The following APTX variants were observed in gnomAD, a reference collection of about 807,000 sequenced individuals.
The protein encoded by APTX is forkhead-associated domain histidine triad-like protein.
A neutral mutation model predicts 42.3 loss-of-function variants in APTX; 33 were observed. The ratio of observed to expected loss-of-function variants is 0.78; its 90% confidence interval spans 0.59 to 1.04. APTX has a LOEUF of 1.04. APTX is among the 50% of genes least tolerant of loss of function. APTX has a pLI of 0.00. For missense variants in APTX, 421 were observed against 415.1 expected, an observed-to-expected ratio of 1.01 and a Z score of -0.12; for synonymous variants, 130 against 146.7, an observed-to-expected ratio of 0.89 and a Z score of 0.82.
chr9:32,986,059 A>AAAAAAAAAAAAAAAC, intron 4 of APTX, 29 bp from the exon 5 acceptor site: 1 of 1,240,056 alleles, frequency 8.1e-7, no homozygotes, highest in Non-Finnish European at 1.1e-6. Flanking sequence ...AAAAAACAAA[A>AAAAAAAAAAAAAAAC]AAAAAAAAAA....
In APTX at chr9:32,985,967, T is replaced by C; in HGVS notation, c.543+4A>G. ...GTACTGAAATTCCAAAATTGTATTC[T>C]GACCTGCATTTTGGGGTCCTGCATA... On this transcript the variant is annotated splice_donor_region_variant and intron_variant, in intron 5 of 7. Coordinates refer to ENST00000379817, the MANE Select transcript of APTX (RefSeq NM_001195248.2). The C allele has an allele frequency of 6.2e-7, 1 of 1,608,176 alleles. No homozygotes were observed. The highest frequency in any genetic ancestry group is 8.5e-7 in the Non-Finnish European group (1 of 1,179,278).
Position 32,973,084 on chromosome 9 carries a change from A to C in APTX, c.*414T>G. 1 of 455,850 alleles carries C rather than the reference A, an allele frequency of 2.2e-6. No homozygotes were observed. The highest frequency in any genetic ancestry group is 1.6e-5 in the South Asian group (1 of 64,492). The allele number at this position is 455,850 out of a possible 1,614,324, so 28.2% of individuals were successfully genotyped here. On this transcript the variant is annotated 3_prime_UTR_variant, in exon 8 of 8. Coordinates refer to ENST00000379817, the MANE Select transcript of APTX (RefSeq NM_001195248.2). ...ACCCATCAGTATCTTCAGGATAAACAAGAGGCCACTCTAGATGCTCTGATT... is the reference window on the plus strand; with the variant it reads ...ACCCATCAGTATCTTCAGGATAAACCAGAGGCCACTCTAGATGCTCTGATT...
intron 6 of APTX, 136 bp from the exon 7 acceptor site, chr9:32,974,697 T>C (rs1828928911): frequency 4.6e-6 from 3 of 654,256 alleles, no homozygotes; most frequent in Non-Finnish European, 8.2e-6. Context: ...GAAGTGATAG[T>C]GTGTCCATTT....
intron 6 of APTX, among the ~76,000 whole-genome samples, chr9:32,976,376 A>AT (rs1829420089): frequency 6.6e-6 from 1 of 152,190 alleles, no homozygotes; most frequent in African/African-American, 2.4e-5. Context: ...CTTGAGTATA[A>AT]TAAAAAAAAA....
chr9:32,973,713 A>C (rs780681890), intron 7 of APTX, 61 bp from the exon 8 acceptor site: 1 of 135,910 alleles, frequency 7.4e-6, no homozygotes, highest in Non-Finnish European at 1.0e-5. Context: ...TGAGATACCA[A>C]AAAAAAAAAA....
At chr9:33,008,398 TCTGA>T (rs1357957176) in intron 1 of APTX, among the ~76,000 whole-genome samples, 2 of 151,982 alleles carry the variant, frequency 1.3e-5, no homozygotes, top group African/African-American at 2.4e-5. Context: ...CTATACAATT[TCTGA>T]CTAAGATTTT....
In APTX at chr9:32,986,032, T is replaced by TAAAAAAAAACAAAAAAAA; in HGVS notation, c.484-3_484-2insTTTTTTTTGTTTTTTTTT. On this transcript the variant is annotated splice_polypyrimidine_tract_variant and splice_region_variant and intron_variant, in intron 4 of 7. Transcript: ENST00000379817. ...TTGACTCCAGTGGCCCAGGGATTCC[T>TAAAAAAAAACAAAAAAAA]AAAAAAAAAACAAAAAAAAAAACAA... 14 of 732,426 alleles carry TAAAAAAAAACAAAAAAAA rather than the reference T, an allele frequency of 1.9e-5. No homozygotes were observed. Among genetic ancestry groups the TAAAAAAAAACAAAAAAAA allele is most frequent in the South Asian group, 5.8e-5 (3 of 51,914 alleles). The allele number at this position is 732,426 out of a possible 1,614,324, so 45.4% of individuals were successfully genotyped here. A position where few individuals can be genotyped will look rare whatever the true frequency, so the allele number is the denominator to read the frequency against.
At chr9:32,988,485 C>A (rs1024861922) in intron 2 of APTX, among the ~76,000 whole-genome samples, 4 of 152,154 alleles carry the variant, frequency 2.6e-5, no homozygotes, top group African/African-American at 9.6e-5. Context: ...TTTCTCCCAG[C>A]CTGGGCAGCA....
chr9:33,023,420 C>A (rs1838559931), intron 1 of APTX, among the ~76,000 whole-genome samples: 2 of 151,154 alleles, frequency 1.3e-5, no homozygotes, highest in Admixed American at 1.3e-4. Context: ...AGAAGGGTTT[C>A]ACCAAGTTGG....
intron 6 of APTX, among the ~76,000 whole-genome samples, chr9:32,977,048 A>G (rs1829582482): frequency 2.0e-5 from 3 of 152,224 alleles, no homozygotes; most frequent in African/African-American, 7.2e-5. Context: ...ATATGAAAAA[A>G]AATGTAATTT....
intron 1 of APTX, among the ~76,000 whole-genome samples, chr9:32,990,745 G>C (rs1017666455): frequency 6.6e-6 from 1 of 152,176 alleles, no homozygotes; most frequent in East Asian, 1.9e-4. Flanking sequence ...GGTTTTAAAG[G>C]ATGAGAAGGA....
At chr9:33,007,677 C>A (rs1391431331) in intron 1 of APTX, among the ~76,000 whole-genome samples, 2 of 152,116 alleles carry the variant, frequency 1.3e-5, no homozygotes, top group Non-Finnish European at 2.9e-5. Context: ...CCAAAAACTT[C>A]TTACTGCAAG....
intron 1 of APTX, among the ~76,000 whole-genome samples, chr9:33,010,643 C>T (rs1015038649): frequency 6.6e-6 from 1 of 151,408 alleles, no homozygotes; most frequent in Non-Finnish European, 1.5e-5. Context: ...CGCTTGAACC[C>T]GGGAGGCAGA....
At chr9:33,008,792 C>T (rs1256077746) in intron 1 of APTX, among the ~76,000 whole-genome samples, 2 of 151,992 alleles carry the variant, frequency 1.3e-5, no homozygotes, top group African/African-American at 4.8e-5. Flanking sequence ...CCTCAGGTGA[C>T]CCACCCGCCT....
At chr9:32,980,689 G>A (rs1013334978) in intron 6 of APTX, among the ~76,000 whole-genome samples, 8 of 152,264 alleles carry the variant, frequency 5.3e-5, no homozygotes, top group African/African-American at 1.4e-4. Flanking sequence ...GAGCTGAGCT[G>A]TAGCAGCTGA....
In APTX at chr9:33,001,628, T is replaced by C. The variant is rs1315299686; in HGVS notation, c.-66A>G. 6.2e-7 allele frequency: 1 copy of C among 1,613,666 alleles called. No individual in the cohort carries two copies. Reference sequence around the variant, plus strand: ...ATCTGTGCCTCACCGCTTCCGGCGCTGCGGGATGACGTCAGAGGCCGGCTG... The same window carrying C: ...ATCTGTGCCTCACCGCTTCCGGCGCCGCGGGATGACGTCAGAGGCCGGCTG... On this transcript the variant is annotated 5_prime_UTR_variant, in exon 1 of 8. Coordinates refer to ENST00000379817, the MANE Select transcript of APTX (RefSeq NM_001195248.2).
intron 1 of APTX, among the ~76,000 whole-genome samples, chr9:32,990,831 T>C (rs1239553197): frequency 6.6e-6 from 1 of 152,238 alleles, no homozygotes; most frequent in East Asian, 1.9e-4. Context: ...TCATAGGTTT[T>C]CCTTCCCTGT....
chr9:32,973,340 C>T lies in APTX; in HGVS notation c.*158G>A, dbSNP rs1237977508. The T allele has an allele frequency of 4.6e-6, 4 of 866,556 alleles. No individual in the cohort carries two copies. The highest frequency in any genetic ancestry group is 7.5e-6 in the Non-Finnish European group (4 of 533,610). 53.7% of individuals were successfully genotyped at this position (866,556 alleles called of 1,614,324 possible). A position where few individuals can be genotyped will look rare whatever the true frequency, so the allele number is the denominator to read the frequency against. The stretch of plus-strand genomic sequence containing the variant: ...ATTCCTAATCCTGAAGTACTTTGAG[C>T]CACTCTACATTGTGGCCACTCAATA... On this transcript the variant is annotated 3_prime_UTR_variant, in exon 8 of 8. Transcript: ENST00000379817.
At chr9:33,024,397 C>T (rs1226393322) in intron 1 of APTX, among the ~76,000 whole-genome samples, 2 of 152,206 alleles carry the variant, frequency 1.3e-5, no homozygotes, top group Non-Finnish European at 2.9e-5. Flanking sequence ...ATTAAGCCCC[C>T]GTGGTACCAT....
Sources: allele counts gnomAD v4.1 joint callset (sites outside exome capture counted in the v4.1 genomes callset), GRCh38; gene constraint gnomAD v4.1.1; transcripts MANE v1.5; gene names NCBI Gene and HGNC (gene_info 2026-07-23, HGNC 2026-07-21).